Variants in XIAP observed in about 807,000 individuals in gnomAD.
XIAP encodes X-linked inhibitor of apoptosis, also known as E3 ubiquitin-protein ligase XIAP.
XIAP carries 3 observed loss-of-function variants against 33.1 expected under a neutral mutation model. The observed-to-expected ratio is 0.09, with a 90% CI of 0.04 to 0.23. The LOEUF is 0.23. XIAP is among the 10% of genes least tolerant of loss of function. XIAP has a pLI of 1.00. For missense variants in XIAP, 264 were observed against 363.0 expected, an observed-to-expected ratio of 0.73 and a Z score of 2.22; for synonymous variants, 98 against 121.3, an observed-to-expected ratio of 0.81 and a Z score of 1.26.
intron 2 of XIAP, among the ~76,000 whole-genome samples, chrX:123,887,091 G>T (rs1432517318): frequency 1.8e-5 from 2 of 112,034 alleles, no homozygotes; most frequent in Non-Finnish European, 3.8e-5. Flanking sequence ...GGCTAATTTT[G>T]TATTTTTAGT....
rs756886739 is a variant in XIAP, at chrX:123,904,924, C to A, written c.1301-2064C>A. 2.7e-5 allele frequency among the ~76,000 whole-genome samples: 3 copies of A among 112,018 alleles called. No individual in the cohort carries two copies. In the East Asian group the frequency reaches 8.4e-4, roughly 32 times the overall value. On this transcript the variant is annotated intron_variant, in intron 6 of 6. Transcript: ENST00000371199. The stretch of plus-strand genomic sequence containing the variant: ...GGGATTACAGGCGTGAGCCACCAGG[C>A]CTGGCTGAGCATTTTGCTTTTTACA...
Position 123,909,274 on chromosome X carries a change from A to T in XIAP, c.*2093A>T, listed in dbSNP as rs1454515447. 1 of 326,754 alleles carries T rather than the reference A, an allele frequency of 3.1e-6. No homozygotes were observed. Among genetic ancestry groups the T allele is most frequent in the Admixed American group, 3.1e-5 (1 of 32,036 alleles). The allele number at this position is 326,754 out of a possible 1,213,427, so 26.9% of individuals were successfully genotyped here. On this transcript the variant is annotated 3_prime_UTR_variant, in exon 7 of 7. Transcript: ENST00000371199. Reference sequence around the variant, plus strand: ...TCAAACTCCTGACCTCAAGAGATCCACTCGCCTTGCCCTCCCAAAGTGCTG... The same window carrying T: ...TCAAACTCCTGACCTCAAGAGATCCTCTCGCCTTGCCCTCCCAAAGTGCTG...
intron 3 of XIAP, among the ~76,000 whole-genome samples, chrX:123,890,063 C>G (rs1399268503): frequency 1.5e-3 from 109 of 73,771 alleles, no homozygotes; most frequent in Middle Eastern, 0.014. Flanking sequence ...GTCGCCCAGG[C>G]TGGAGTGCAG....
At chrX:123,896,604 G>A (rs188720253) in intron 5 of XIAP, among the ~76,000 whole-genome samples, 8 of 101,247 alleles carry the variant, frequency 7.9e-5, no homozygotes, top group Admixed American at 3.3e-4. Context: ...TTCCCAAGAC[G>A]GAGTCTTGCT....
chrX:123,880,585 A>C (rs1367896205), intron 1 of XIAP, among the ~76,000 whole-genome samples: 1 of 107,925 alleles, frequency 9.3e-6, no homozygotes, highest in Non-Finnish European at 1.9e-5. Context: ...AAAAATAAAA[A>C]AATTAGCCAG....
At chrX:123,888,342 G>GA (rs918684348) in intron 2 of XIAP, among the ~76,000 whole-genome samples, 1 of 112,107 alleles carries the variant, frequency 8.9e-6, no homozygotes, top group African/African-American at 3.2e-5. Context: ...CTCAAAAAAA[G>GA]AAAGAAAGTA....
intron 5 of XIAP, among the ~76,000 whole-genome samples, chrX:123,899,120 A>AC (rs2053487708): frequency 1.1e-4 from 1 of 9,467 alleles, no homozygotes. Context: ...ACTACGTCTC[A>AC]AAAAAAAAAA....
At position 123,886,025 on chromosome X, in the gene XIAP, G is replaced by A; in HGVS notation, c.363G>A (p.Leu121=). 8.3e-7 allele frequency: 1 copy of A among 1,211,764 alleles called. No individual in the cohort carries two copies. Among genetic ancestry groups the A allele is most frequent in the Non-Finnish European group, 1.1e-6 (1 of 895,612 alleles). ...QNGQYKVENY[L]GSRDHFALDR... ...GTCAGTACAAAGTTGAAAACTATCT[G>A]GGAAGCAGAGATCATTTTGCCTTAG... The change falls in exon 2 of 7, where the codon CTG becomes CTA. Residue 121 remains leucine (L), a synonymous_variant. Transcript: ENST00000371199.
At chrX:123,876,717 A>G (rs999682482) in intron 1 of XIAP, among the ~76,000 whole-genome samples, 1 of 110,960 alleles carries the variant, frequency 9.0e-6, no homozygotes. Context: ...AAATAAATAA[A>G]TAAATAAATA....
In XIAP at chrX:123,911,537, G is replaced by T. The variant is rs1442901040; in HGVS notation, c.*4356G>T. On this transcript the variant is annotated 3_prime_UTR_variant, in exon 7 of 7. Transcript: ENST00000371199. ...ATAGGTCAATACAAATGTTAGCCAG[G>T]CGTGGTGGCACATGCCCATAGTCGC... 4 of 317,530 alleles carry T rather than the reference G, an allele frequency of 1.3e-5. No individual in the cohort carries two copies. The highest frequency in any genetic ancestry group is 2.4e-5 in the Non-Finnish European group (4 of 166,893). The allele number at this position is 317,530 out of a possible 1,213,427, so 26.2% of individuals were successfully genotyped here.
At chrX:123,893,115 C>T (rs747645610) in intron 5 of XIAP, among the ~76,000 whole-genome samples, 4 of 109,885 alleles carry the variant, frequency 3.6e-5, no homozygotes, top group Non-Finnish European at 7.6e-5. Context: ...CCACCGCACC[C>T]GGCCTTTAAC....
rs1220408205 is a variant in XIAP, at chrX:123,911,437, A to G, written c.*4256A>G. On this transcript the variant is annotated 3_prime_UTR_variant, in exon 7 of 7. Transcript: ENST00000371199. ...GGTTGTGGTGAGCGAAGATCGTGCC[A>G]TTGCACTCCAGCCTGGGCAACAAGA... The G allele has an allele frequency of 3.4e-6, 1 of 293,241 alleles. No individual in the cohort carries two copies. The highest frequency in any genetic ancestry group is 6.3e-6 in the Non-Finnish European group (1 of 157,677). 24.2% of individuals were successfully genotyped at this position (293,241 alleles called of 1,213,427 possible). A position where few individuals can be genotyped will look rare whatever the true frequency, so the allele number is the denominator to read the frequency against.
In XIAP at chrX:123,906,999, G is replaced by A; in HGVS notation, c.1312G>A (p.Glu438Lys). ...TTCTCTTTTTGCAGAGATTAGTACT[G>A]AAGAGCAGCTAAGGCGCCTGCAAGA... ...QTSLQKEIST[E>K]EQLRRLQEEK... is the part of the protein sequence containing the mutation. The change falls in exon 7 of 7, where the codon GAA (glutamate) becomes AAA (lysine). Residue 438 changes from glutamate to lysine, a missense_variant. Transcript: ENST00000371199. The A allele has an allele frequency of 8.3e-7, 1 of 1,211,490 alleles. No individual in the cohort carries two copies. Among genetic ancestry groups the A allele is most frequent in the Admixed American group, 2.2e-5 (1 of 45,985 alleles).
At chrX:123,898,248 C>G (rs963127760) in intron 5 of XIAP, among the ~76,000 whole-genome samples, 4 of 112,696 alleles carry the variant, frequency 3.5e-5, no homozygotes, top group Non-Finnish European at 5.6e-5. Context: ...TGCTCTAGTT[C>G]AGGCCCTTCC....
intron 6 of XIAP, among the ~76,000 whole-genome samples, chrX:123,903,960 T>A (rs1167120640): frequency 1.8e-5 from 2 of 109,955 alleles, no homozygotes; most frequent in Non-Finnish European, 3.8e-5. Context: ...CTTTAAAAAA[T>A]AATAATAATA....
chrX:123,879,767 C>T (rs1452631831), intron 1 of XIAP, among the ~76,000 whole-genome samples: 2 of 111,806 alleles, frequency 1.8e-5, no homozygotes, highest in Non-Finnish European at 3.8e-5. Flanking sequence ...GGTAATCTGG[C>T]GTGCATTCTA....
intron 4 of XIAP, among the ~76,000 whole-genome samples, chrX:123,891,517 G>T (rs2148096517): frequency 9.0e-6 from 1 of 111,332 alleles, no homozygotes; most frequent in South Asian, 3.7e-4. Flanking sequence ...AATGTATGAT[G>T]GGCTTTAAAG....
chrX:123,881,989 A>C (rs1386913982), intron 1 of XIAP, among the ~76,000 whole-genome samples: 1 of 111,299 alleles, frequency 9.0e-6, no homozygotes, highest in Non-Finnish European at 1.9e-5. Context: ...TCCTGACCTC[A>C]AGTGATCCAC....
intron 6 of XIAP, among the ~76,000 whole-genome samples, chrX:123,902,932 G>A (rs898391869): frequency 1.8e-5 from 2 of 110,650 alleles, no homozygotes; most frequent in African/African-American, 6.6e-5. Flanking sequence ...ACCTAGAAGA[G>A]GGCTTTGTGG....
Sources: allele counts gnomAD v4.1 joint callset (sites outside exome capture counted in the v4.1 genomes callset), GRCh38; gene constraint gnomAD v4.1.1; transcripts MANE v1.5; gene names NCBI Gene and HGNC (gene_info 2026-07-23, HGNC 2026-07-21).